Variants in MEF2C observed in about 807,000 individuals in gnomAD.
The protein encoded by MEF2C is myocyte-specific enhancer factor 2C.
In MEF2C, 6 loss-of-function variants were observed where a neutral mutation model predicts 50.5. The observed-to-expected ratio is 0.12, with a 90% CI of 0.07 to 0.23. The LOEUF (loss-of-function observed/expected upper bound fraction) is 0.23. Among genes scored for constraint, MEF2C ranks in the 10% least tolerant of loss-of-function variants. The pLI is 1.00. For missense variants in MEF2C, 276 were observed against 605.0 expected, an observed-to-expected ratio of 0.46 and a Z score of 5.70; for synonymous variants, 183 against 228.0, an observed-to-expected ratio of 0.80 and a Z score of 1.78.
intron 3 of MEF2C, among the ~76,000 whole-genome samples, chr5:88,773,225 A>C (rs2152795659): frequency 6.6e-6 from 1 of 152,350 alleles, no homozygotes; most frequent in South Asian, 2.1e-4. Context: ...TGAAAGAATA[A>C]TGGAATTCAA....
At chr5:88,796,380 T>C (rs530564236) in intron 3 of MEF2C, among the ~76,000 whole-genome samples, 1 of 152,310 alleles carries the variant, frequency 6.6e-6, no homozygotes, top group East Asian at 1.9e-4. Flanking sequence ...GGTGTGTGTG[T>C]CCAGGAATTT....
At chr5:88,766,276 TGAAAAA>T (rs1288405909) in intron 3 of MEF2C, among the ~76,000 whole-genome samples, 4 of 152,168 alleles carry the variant, frequency 2.6e-5, no homozygotes, top group Non-Finnish European at 5.9e-5. Context: ...GGAATATAAA[TGAAAAA>T]GAATGCTACA....
intron 1 of MEF2C, among the ~76,000 whole-genome samples, chr5:88,876,779 C>G (rs1167234510): frequency 6.6e-6 from 1 of 151,902 alleles, no homozygotes; most frequent in African/African-American, 2.4e-5. Flanking sequence ...CACATTCTAT[C>G]GAAGGACCAT....
intron 6 of MEF2C, chr5:88,735,101 A>G (rs753587728): frequency 3.0e-6 from 3 of 985,390 alleles, no homozygotes; most frequent in Non-Finnish European, 3.6e-6. Context: ...CCAGTGATAT[A>G]GAAACCTATG....
At chr5:88,754,172 G>A (rs1774145317) in intron 4 of MEF2C, among the ~76,000 whole-genome samples, 1 of 152,218 alleles carries the variant, frequency 6.6e-6, no homozygotes, top group South Asian at 2.1e-4. Context: ...CAGAGAGCAG[G>A]AGGGGAGCAA....
upstream of MEF2C, chr5:88,883,239 G>A (rs1390000217): frequency 1.4e-5 from 2 of 144,140 alleles, no homozygotes; most frequent in South Asian, 4.6e-4. Flanking sequence ...GCGCGCGCGA[G>A]GGGAGCGCGC....
intron 1 of MEF2C, among the ~76,000 whole-genome samples, chr5:88,872,203 G>C (rs1340551470): frequency 6.6e-5 from 10 of 151,988 alleles, no homozygotes; most frequent in Admixed American, 3.9e-4. Context: ...TGGCGAGGCT[G>C]GTTTCACCAT....
At chr5:88,832,107 C>T (rs941060000) in intron 1 of MEF2C, among the ~76,000 whole-genome samples, 2 of 152,140 alleles carry the variant, frequency 1.3e-5, no homozygotes, top group African/African-American at 4.8e-5. Flanking sequence ...CAATTGACTG[C>T]ACACCAAAGT....
chr5:88,883,011 G>A lies in MEF2C; in HGVS notation c.-199C>T, dbSNP rs1263003493. The A allele has an allele frequency of 2.0e-5, 3 of 152,082 alleles. No individual in the cohort carries two copies. Among genetic ancestry groups the A allele is most frequent in the Non-Finnish European group, 4.4e-5 (3 of 67,926 alleles). 9.4% of individuals were successfully genotyped at this position (152,082 alleles called of 1,614,324 possible). A position where few individuals can be genotyped will look rare whatever the true frequency, so the allele number is the denominator to read the frequency against. The stretch of plus-strand genomic sequence containing the variant: ...GGATATTTTCCTTTCTTAAGAGAGA[G>A]AGAGAGAGAAAAAAAAAATAACAAC... On this transcript the variant is annotated 5_prime_UTR_variant, in exon 1 of 11. Coordinates refer to ENST00000504921, the MANE Select transcript of MEF2C (RefSeq NM_002397.5).
Position 88,761,287 on chromosome 5 carries a change from G to A in MEF2C, c.300C>T (p.Asp100=), listed in dbSNP as rs1561876666. The A allele has an allele frequency of 6.2e-7, 1 of 1,613,888 alleles. No individual in the cohort carries two copies. The highest frequency in any genetic ancestry group is 1.3e-5 in the African/African-American group (1 of 74,932). The change falls in exon 4 of 11, where the codon GAC becomes GAT. Residue 100 remains aspartate (D), a synonymous_variant. Transcript: ENST00000504921. ...KKGLNGCDSP[D]PDADDSVGHS... The stretch of plus-strand genomic sequence containing the variant: ...GACCTACGGAATCGTCCGCATCGGG[G>A]TCTGGGCTGTCACAGCCATTAAGGC...
chr5:88,720,822 T>G lies in MEF2C; in HGVS notation c.*1782A>C, dbSNP rs558153275. ...AATTAAAAAAAGGGACATAGAGAGG[T>G]TCTTTATGGGATTTCTTGAAATGGC... On this transcript the variant is annotated 3_prime_UTR_variant, in exon 11 of 11. Transcript: ENST00000504921. The G allele has an allele frequency of 6.6e-6, 1 of 152,222 alleles. No individual in the cohort carries two copies. The highest frequency in any genetic ancestry group is 6.6e-5 in the Admixed American group (1 of 15,244). The allele number at this position is 152,222 out of a possible 1,614,324, so 9.4% of individuals were successfully genotyped here. A position where few individuals can be genotyped will look rare whatever the true frequency, so the allele number is the denominator to read the frequency against.
intron 4 of MEF2C, among the ~76,000 whole-genome samples, chr5:88,759,111 A>G (rs757143647): frequency 2.0e-5 from 3 of 152,164 alleles, no homozygotes; most frequent in African/African-American, 7.2e-5. Flanking sequence ...AACATCCTAC[A>G]CTTACAAACC....
At chr5:88,779,843 A>G (rs1475028327) in intron 3 of MEF2C, among the ~76,000 whole-genome samples, 1 of 151,466 alleles carries the variant, frequency 6.6e-6, no homozygotes, top group Non-Finnish European at 1.5e-5. Context: ...TAATCATAAT[A>G]TAAGAATTTG....
chr5:88,800,847 C>T (rs963662202), intron 3 of MEF2C, among the ~76,000 whole-genome samples: 5 of 152,080 alleles, frequency 3.3e-5, no homozygotes, highest in African/African-American at 1.2e-4. Context: ...AAATTTAACA[C>T]ATTTACTAAA....
intron 3 of MEF2C, among the ~76,000 whole-genome samples, chr5:88,794,015 G>A (rs999413402): frequency 6.6e-6 from 1 of 152,140 alleles, no homozygotes; most frequent in African/African-American, 2.4e-5. Flanking sequence ...TGGCGTATAT[G>A]TGCCACATTT....
intron 10 of MEF2C, among the ~76,000 whole-genome samples, chr5:88,724,436 TAATA>T (rs1025485950): frequency 5.3e-5 from 8 of 152,148 alleles, no homozygotes; most frequent in Non-Finnish European, 1.2e-4. Flanking sequence ...CTTCTCCTAT[TAATA>T]AATAGATGAG....
At chr5:88,873,966 T>C (rs554529923) in intron 1 of MEF2C, among the ~76,000 whole-genome samples, 3 of 152,058 alleles carry the variant, frequency 2.0e-5, no homozygotes, top group East Asian at 3.9e-4. Flanking sequence ...TTTAAAGATA[T>C]TAATGTTAAC....
chr5:88,761,448 G>C (rs1358358130), intron 3 of MEF2C, 120 bp from the exon 4 acceptor site: 1 of 1,207,726 alleles, frequency 8.3e-7, no homozygotes, highest in African/African-American at 1.5e-5. Flanking sequence ...TATTCTATTA[G>C]GGAAGAGAAA....
At chr5:88,836,273 T>C (rs1046766492) in intron 1 of MEF2C, among the ~76,000 whole-genome samples, 1 of 152,084 alleles carries the variant, frequency 6.6e-6, no homozygotes, top group Admixed American at 6.6e-5. Context: ...AAAAATTGCA[T>C]TTGATTTTCT....
Sources: gnomAD v4.1 joint callset for allele counts (sites outside exome capture counted in the v4.1 genomes callset) on GRCh38, gnomAD v4.1.1 for gene constraint, MANE v1.5 for transcripts, NCBI Gene and HGNC (gene_info 2026-07-23, HGNC 2026-07-21) for gene names.